Variants in RAD51B observed in about 807,000 individuals in gnomAD.
RAD51B encodes RAD51 paralog B.
Under a neutral mutation model 42.2 loss-of-function variants are expected in RAD51B, and 38 were observed. The observed-to-expected ratio is 0.90, with a 90% CI of 0.70 to 1.18. The LOEUF (loss-of-function observed/expected upper bound fraction) is 1.18, where lower values mean the gene tolerates loss of function less well. Ranked by LOEUF, RAD51B falls within the 50% of genes most tolerant of loss-of-function variation. The probability of loss-of-function intolerance (pLI) is 0.00; values close to 1 mark genes in which losing one functional copy is unlikely to be tolerated. For synonymous variants in RAD51B, 154 were observed against 145.2 expected (o/e 1.06, Z -0.43); for missense variants, 373 against 400.7 (o/e 0.93, Z 0.59).
intron 7 of RAD51B, among the ~76,000 whole-genome samples, chr14:67,917,496 C>G (rs1030216667): frequency 2.0e-5 from 3 of 152,142 alleles, no homozygotes; most frequent in Non-Finnish European, 4.4e-5. Context: ...CCCCTGTGAC[C>G]CAAGCACCTT....
At chr14:68,621,182 C>T (rs1384095808) in intron 10 of RAD51B, among the ~76,000 whole-genome samples, 1 of 152,204 alleles carries the variant, frequency 6.6e-6, no homozygotes, top group African/African-American at 2.4e-5. Context: ...ACCCACCTGT[C>T]CATGCATCCA....
chr14:67,863,932 G>T (rs891349025), intron 4 of RAD51B, among the ~76,000 whole-genome samples: 2 of 151,986 alleles, frequency 1.3e-5, no homozygotes, highest in African/African-American at 2.4e-5. Context: ...AAACTTACAG[G>T]GGAAGCAAGC....
Position 68,483,983 on chromosome 14 carries a change from C to T in RAD51B, c.1036+15733C>T, listed in dbSNP as rs111370589. Reference sequence around the variant, plus strand: ...TGCTCCTTTCAACCAATGAAAAAATCATGTTTTAAAGCTTTCCTCAGAGAG... The same window carrying T: ...TGCTCCTTTCAACCAATGAAAAAATTATGTTTTAAAGCTTTCCTCAGAGAG... On this transcript the variant is annotated intron_variant, in intron 10 of 10. Coordinates refer to the RAD51B transcript ENST00000487270. Among the ~76,000 whole-genome samples the T allele has an allele frequency of 2.3e-3, 346 of 152,352 alleles. 2 individuals carry two copies. The highest frequency in any genetic ancestry group is 1.9e-3 in the Non-Finnish European group (130 of 68,038).
Position 68,561,735 on chromosome 14 carries a change from G to A in RAD51B, c.1037-32750G>A, listed in dbSNP as rs142167654. Among the ~76,000 whole-genome samples, 421 of 152,268 alleles carry A rather than the reference G, an allele frequency of 2.8e-3. 1 individual carries two copies. Among genetic ancestry groups the A allele is most frequent in the African/African-American group, 9.8e-3 (406 of 41,548 alleles). The stretch of plus-strand genomic sequence containing the variant: ...ATCAAGCCAGAGGGAGCAGGCCCTC[G>A]AGCTAAATGGCATCATTCTGAGACG... On this transcript the variant is annotated intron_variant, in intron 10 of 10. Coordinates refer to the RAD51B transcript ENST00000487270.
intron 10 of RAD51B, among the ~76,000 whole-genome samples, chr14:68,549,596 A>G (rs1403219540): frequency 1.3e-5 from 2 of 150,044 alleles, no homozygotes; most frequent in South Asian, 2.1e-4. Context: ...TTGTATTTTT[A>G]GTAGAGACGG....
At chr14:68,658,963 A>G (rs1164396510) in intron 11 of RAD51B, among the ~76,000 whole-genome samples, 1 of 152,228 alleles carries the variant, frequency 6.6e-6, no homozygotes, top group Middle Eastern at 3.2e-3. Flanking sequence ...CCTGCACAGC[A>G]CAACCACTCA....
At chr14:68,006,154 G>C (rs939151382) in intron 7 of RAD51B, among the ~76,000 whole-genome samples, 1 of 152,120 alleles carries the variant, frequency 6.6e-6, no homozygotes, top group Non-Finnish European at 1.5e-5. Context: ...AGATTTGGGT[G>C]GGACACAGAT....
chr14:68,604,840 A>C (rs1034367811), intron 10 of RAD51B, among the ~76,000 whole-genome samples: 1 of 117,030 alleles, frequency 8.5e-6, no homozygotes, highest in Admixed American at 8.1e-5. Context: ...TGAGTGAATG[A>C]ATGAGTGAGT....
At chr14:68,492,327 T>G (rs1314385904) in intron 10 of RAD51B, among the ~76,000 whole-genome samples, 1 of 152,258 alleles carries the variant, frequency 6.6e-6, no homozygotes, top group African/African-American at 2.4e-5. Flanking sequence ...CCCTTCATTC[T>G]GTGTCTTCTC....
chr14:68,196,473 T>C (rs2079376661), intron 7 of RAD51B, among the ~76,000 whole-genome samples: 1 of 152,112 alleles, frequency 6.6e-6, no homozygotes, highest in Admixed American at 6.5e-5. Flanking sequence ...CTTCTCCACA[T>C]CTTCACACAG....
rs185643405 is a variant in RAD51B at position 68,117,568 on chromosome 14, T to G, written c.757-174316T>G. On this transcript the variant is annotated intron_variant, in intron 7 of 10. Transcript: ENST00000471583. The stretch of plus-strand genomic sequence containing the variant: ...AAATTTCTGCTAAAAAGTAATAAAT[T>G]TGCTCAAAATATCAAAAAGGTACGA... 3.1e-3 allele frequency among the ~76,000 whole-genome samples: 471 copies of G among 152,268 alleles called. 2 individuals are homozygous for G. Among genetic ancestry groups the G allele is most frequent in the Non-Finnish European group, 4.4e-3 (298 of 68,020 alleles).
chr14:67,871,148 G>C (rs1276658475), intron 5 of RAD51B, among the ~76,000 whole-genome samples: 1 of 152,106 alleles, frequency 6.6e-6, no homozygotes, highest in East Asian at 1.9e-4. Context: ...GAATCCAGGA[G>C]CTGGTTTTTT....
At chr14:67,833,749 A>G (rs1015167257) in intron 3 of RAD51B, among the ~76,000 whole-genome samples, 2 of 152,216 alleles carry the variant, frequency 1.3e-5, no homozygotes, top group African/African-American at 2.4e-5. Context: ...TAACTGAAAC[A>G]TGGGAAGTGA....
At chr14:68,338,798 G>T (rs2082510913) in intron 8 of RAD51B, 1 of 569,450 alleles carries the variant, frequency 1.8e-6, no homozygotes, top group Admixed American at 2.0e-5. Flanking sequence ...CTACAGACTT[G>T]AGACCCAGGA....
chr14:67,896,735 T>G (rs2043433174), intron 7 of RAD51B, among the ~76,000 whole-genome samples: 1 of 152,226 alleles, frequency 6.6e-6, no homozygotes, highest in African/African-American at 2.4e-5. Context: ...TTTTTTTGGT[T>G]GATATTTTTA....
At chr14:68,339,121 G>A (rs1350253266) in intron 8 of RAD51B, 8 of 699,388 alleles carry the variant, frequency 1.1e-5, no homozygotes, top group East Asian at 2.7e-5. Context: ...ACTCCTGCTC[G>A]AAGGACAGGT....
intron 2 of RAD51B, 124 bp from the exon 3 acceptor site, chr14:67,825,340 A>C: frequency 3.4e-6 from 2 of 591,070 alleles, no homozygotes; most frequent in South Asian, 2.4e-5. Flanking sequence ...TGAATGTATA[A>C]ATCTTTGATC....
chr14:67,857,307 A>G (rs949029189), intron 4 of RAD51B, among the ~76,000 whole-genome samples: 1 of 152,204 alleles, frequency 6.6e-6, no homozygotes, highest in African/African-American at 2.4e-5. Flanking sequence ...AGTAAATGCT[A>G]CTATCCAAAC....
At position 67,949,393 on chromosome 14, in the gene RAD51B, T is replaced by G. The variant is rs566368558; in HGVS notation, c.756+62189T>G. 6.6e-5 allele frequency among the ~76,000 whole-genome samples: 10 copies of G among 152,340 alleles called. No individual in the cohort carries two copies. In the South Asian group the frequency reaches 2.1e-3, roughly 32 times the overall value. On this transcript the variant is annotated intron_variant, in intron 7 of 10. Coordinates refer to ENST00000471583, the MANE Select transcript of RAD51B (RefSeq NM_133510.4). ...AATAGTTTCCCTCTCAAGAAAATAA[T>G]TTCTTTGCTCATACCTTATCCCTCA... is the stretch of plus-strand genomic sequence containing the variant.
Sources: allele counts gnomAD v4.1 joint callset (sites outside exome capture counted in the v4.1 genomes callset), GRCh38; gene constraint gnomAD v4.1.1; transcripts MANE v1.5; gene names NCBI Gene and HGNC (gene_info 2026-07-23, HGNC 2026-07-21).